Variants in WDFY4 observed in about 807,000 individuals in gnomAD.
WDFY4 encodes WDFY family member 4, also known as WD repeat- and FYVE domain-containing protein 4.
Under a neutral mutation model 351.9 loss-of-function variants are expected in WDFY4, and 169 were observed. The observed-to-expected ratio is 0.48, with a 90% confidence interval of 0.42 to 0.55. WDFY4 has a LOEUF of 0.55. WDFY4 is among the 20% of genes least tolerant of loss of function. The pLI is 0.00. For missense variants in WDFY4, 3,803 were observed against 3,935.6 expected, an observed-to-expected ratio of 0.97 and a Z score of 0.90; for synonymous variants, 1,622 against 1,574.6, an observed-to-expected ratio of 1.03 and a Z score of -0.71.
At chr10:48,846,769 A>G (rs959667558) in intron 39 of WDFY4, among the ~76,000 whole-genome samples, 4 of 152,194 alleles carry the variant, frequency 2.6e-5, no homozygotes, top group African/African-American at 9.7e-5. Flanking sequence ...GCAGCATCCT[A>G]GAGCTGGCAT....
intron 47 of WDFY4, 122 bp from the exon 48 acceptor site, chr10:48,941,684 T>C (rs1840772699): frequency 1.0e-6 from 1 of 956,342 alleles, no homozygotes; most frequent in South Asian, 1.4e-5. Context: ...CTCTGGGATT[T>C]GGGAAGTCTG....
rs529872040 is a variant in WDFY4 at position 48,939,739 on chromosome 10, A to T, written c.7587-2067A>T. ...TTAAAACAATATTTTTAAAAAATAGATCTCACCTTTGGTTAGGTGTCCTGG... is the reference window on the plus strand; with the variant it reads ...TTAAAACAATATTTTTAAAAAATAGTTCTCACCTTTGGTTAGGTGTCCTGG... On this transcript the variant is annotated intron_variant, in intron 47 of 61. Coordinates refer to ENST00000325239, the MANE Select transcript of WDFY4 (RefSeq NM_001394531.1). Among the ~76,000 whole-genome samples the T allele has an allele frequency of 5.3e-5, 8 of 152,354 alleles. No individual in the cohort carries two copies. The South Asian group carries it at 1.4e-3, about 28-fold the overall frequency.
Position 48,875,071 on chromosome 10 carries a change from TC to T in WDFY4, c.6949-17del. Reference sequence around the variant, plus strand: ...AGCATCCAGGATTTAATTTTTCTTTTCAATGTCCTTATTTCAGGAAAGCCAA... The same window carrying T: ...AGCATCCAGGATTTAATTTTTCTTTTAATGTCCTTATTTCAGGAAAGCCAA... On this transcript the variant is annotated splice_polypyrimidine_tract_variant and intron_variant, in intron 41 of 61. Coordinates refer to ENST00000325239, the MANE Select transcript of WDFY4 (RefSeq NM_001394531.1). 1 of 1,459,578 alleles carries T rather than the reference TC, an allele frequency of 6.9e-7. No homozygotes were observed. Among genetic ancestry groups the T allele is most frequent in the Non-Finnish European group, 9.1e-7 (1 of 1,100,044 alleles). 90.4% of individuals were successfully genotyped at this position (1,459,578 alleles called of 1,614,324 possible). A position where few individuals can be genotyped will look rare whatever the true frequency, so the allele number is the denominator to read the frequency against.
chr10:48,761,231 C>T (rs190092849), intron 13 of WDFY4, among the ~76,000 whole-genome samples: 19 of 152,104 alleles, frequency 1.2e-4, no homozygotes, highest in South Asian at 1.0e-3. Flanking sequence ...CCTGGTCAGG[C>T]GATGATGGGG....
At chr10:48,972,207 A>C (rs1381485830) in intron 57 of WDFY4, among the ~76,000 whole-genome samples, 1 of 152,206 alleles carries the variant, frequency 6.6e-6, no homozygotes, top group Non-Finnish European at 1.5e-5. Context: ...CCCCAGACCC[A>C]TGGCTGCTCA....
At chr10:48,911,053 G>A (rs772263757) in intron 47 of WDFY4, 18 of 260,876 alleles carry the variant, frequency 6.9e-5, no homozygotes, top group Non-Finnish European at 1.1e-4. Context: ...ATATGTCTCT[G>A]CGTGGACTCT....
At chr10:48,920,660 A>G (rs943030693) in intron 47 of WDFY4, among the ~76,000 whole-genome samples, 1 of 152,242 alleles carries the variant, frequency 6.6e-6, no homozygotes, top group Non-Finnish European at 1.5e-5. Flanking sequence ...TGGAAATTCT[A>G]ACCAGTGCAA....
Position 48,941,815 on chromosome 10 carries a change from C to T in WDFY4, c.7596C>T (p.Pro2532=), listed in dbSNP as rs540638460. The change falls in exon 48 of 62, where the codon CCC becomes CCT. Residue 2532 remains proline, a synonymous_variant. Transcript: ENST00000325239. ...GTTTTCTGTCCCACAGGAGATACCCCGGCTCTGACAGGATCATGCTGCAGA... is the reference window on the plus strand; with the variant it reads ...GTTTTCTGTCCCACAGGAGATACCCTGGCTCTGACAGGATCATGCTGCAGA... ...SEDTLSLRRY[P]GSDRIMLQKW... 2.2e-5 allele frequency: 34 copies of T among 1,552,128 alleles called. No homozygotes were observed. The Middle Eastern group carries it at 5.0e-4, about 23-fold the overall frequency.
chr10:48,946,937 C>G lies in WDFY4; in HGVS notation c.7945C>G (p.Pro2649Ala). The change falls in exon 51 of 62, where the codon CCA (proline) becomes GCA (alanine). Residue 2649 changes from proline to alanine, a missense_variant. By Grantham distance (27) the Pro-to-Ala change is conservative (BLOSUM62 -1). This residue lies in a region of WDFY4 where 3,054 missense variants were observed against 3,148.6 expected (regional missense o/e 0.97). Coordinates refer to ENST00000325239, the MANE Select transcript of WDFY4 (RefSeq NM_001394531.1). ...CGTGGCCTCCTACCTGGTCCGGATG[C>G]CACCCTTCACCCAGGCCTTCTGCGC... ...IIVASYLVRM[P>A]PFTQAFCALQ... is the part of the protein sequence containing the mutation. 6.4e-7 allele frequency: 1 copy of G among 1,551,626 alleles called. No individual in the cohort carries two copies. The highest frequency in any genetic ancestry group is 8.7e-7 in the Non-Finnish European group (1 of 1,147,012).
intron 1 of WDFY4, among the ~76,000 whole-genome samples, chr10:48,708,907 T>C (rs1457309254): frequency 4.6e-5 from 7 of 152,222 alleles, no homozygotes; most frequent in Non-Finnish European, 7.3e-5. Context: ...TATAGAATTA[T>C]GTGCCTCTAC....
chr10:48,875,189 TTTTA>T (rs1395584011), intron 42 of WDFY4, 49 bp downstream of exon 42: 1 of 1,060,642 alleles, frequency 9.4e-7, no homozygotes, highest in Non-Finnish European at 1.3e-6. Flanking sequence ...TAATTATTGG[TTTTA>T]TTTAATATTT....
At position 48,897,462 on chromosome 10, in the gene WDFY4, A is replaced by G; in HGVS notation, c.7325A>G (p.Asp2442Gly). 1 of 1,551,346 alleles carries G rather than the reference A, an allele frequency of 6.4e-7. No homozygotes were observed. Among genetic ancestry groups the G allele is most frequent in the South Asian group, 1.2e-5 (1 of 84,054 alleles). The stretch of plus-strand genomic sequence containing the variant: ...GCCTGTTTCCTTTTCAGCATCAGCG[A>G]TCCGTTCATTTTCAACCTGTGCAGC... The part of the protein sequence containing the change: ...CTRHCLSNIS[D>G]PFIFNLCSKD... The change falls in exon 45 of 62, where the codon GAT becomes GGT. Residue 2442 changes from aspartate to glycine, a missense_variant. Physicochemically the swap from Asp to Gly is moderately conservative, Grantham distance 94. Coordinates refer to ENST00000325239, the MANE Select transcript of WDFY4 (RefSeq NM_001394531.1).
chr10:48,875,203 T>G, intron 42 of WDFY4, 63 bp downstream of exon 42: 1 of 945,036 alleles, frequency 1.1e-6, no homozygotes, highest in Non-Finnish European at 1.4e-6. Flanking sequence ...ATTTAATATT[T>G]TATTAAAGAT....
At chr10:48,778,395 G>A (rs2066106047) in intron 17 of WDFY4, among the ~76,000 whole-genome samples, 1 of 152,250 alleles carries the variant, frequency 6.6e-6, no homozygotes. Context: ...TAGATCAGCT[G>A]ACCAGGAGCC....
At chr10:48,713,706 C>T (rs757599872) in intron 2 of WDFY4, among the ~76,000 whole-genome samples, 1 of 152,212 alleles carries the variant, frequency 6.6e-6, no homozygotes, top group Non-Finnish European at 1.5e-5. Context: ...GTTCCTCACT[C>T]CTCTTGTTAG....
intron 11 of WDFY4, among the ~76,000 whole-genome samples, chr10:48,741,982 C>T (rs1386159339): frequency 3.3e-5 from 5 of 152,120 alleles, no homozygotes; most frequent in Non-Finnish European, 5.9e-5. Context: ...TATTTAAAAT[C>T]GTCCCTGTGT....
At chr10:48,806,527 C>A (rs2067262463) in intron 27 of WDFY4, among the ~76,000 whole-genome samples, 1 of 152,244 alleles carries the variant, frequency 6.6e-6, no homozygotes, top group African/African-American at 2.4e-5. Context: ...ACCCCTCCCC[C>A]ACTAGCCAAG....
At chr10:48,977,054 G>A in intron 59 of WDFY4, 75 bp downstream of exon 59, 9 of 1,300,182 alleles carry the variant, frequency 6.9e-6, no homozygotes, top group Non-Finnish European at 8.9e-6. Context: ...CTTCCTCCAG[G>A]GGGCCAAACC....
At chr10:48,721,445 C>T in intron 4 of WDFY4, 78 bp downstream of exon 4, 2 of 1,327,552 alleles carry the variant, frequency 1.5e-6, no homozygotes, top group Non-Finnish European at 2.1e-6. Context: ...AGGGTGGTGG[C>T]ATATCCCAAG....
Sources: allele counts gnomAD v4.1 joint callset (sites outside exome capture counted in the v4.1 genomes callset), GRCh38; gene constraint gnomAD v4.1.1; regional missense constraint gnomAD v4.1.1; transcripts MANE v1.5; gene names NCBI Gene and HGNC (gene_info 2026-07-23, HGNC 2026-07-21).